The following AHCTF1 variants were observed in gnomAD, a reference collection of about 807,000 sequenced individuals.
AHCTF1 encodes the protein protein ELYS.
A neutral mutation model predicts 248.4 loss-of-function variants in AHCTF1; 24 were observed. That is an observed-to-expected ratio of 0.10 (90% CI 0.07 to 0.14). AHCTF1 has a LOEUF of 0.14. Ranked by LOEUF, AHCTF1 falls within the 10% of genes least tolerant of loss-of-function variation. The pLI is 1.00. For synonymous variants in AHCTF1, 786 were observed against 929.8 expected (o/e 0.85, Z 2.81); for missense variants, 2,206 against 2,636.2 (o/e 0.84, Z 3.57).
intron 17 of AHCTF1, among the ~76,000 whole-genome samples, chr1:246,888,730 C>A (rs1440708777): frequency 2.0e-5 from 3 of 151,706 alleles, no homozygotes; most frequent in African/African-American, 7.3e-5. Context: ...GGCAATACAG[C>A]AAGACCCCAG....
intron 1 of AHCTF1, among the ~76,000 whole-genome samples, chr1:246,929,967 G>A (rs568417707): frequency 2.0e-4 from 30 of 151,982 alleles, no homozygotes; most frequent in African/African-American, 6.5e-4. Context: ...CAGGAGAATC[G>A]CTTGAACCTG....
chr1:246,927,645 T>G (rs1018269098), intron 1 of AHCTF1, among the ~76,000 whole-genome samples: 5 of 152,264 alleles, frequency 3.3e-5, no homozygotes, highest in Non-Finnish European at 5.9e-5. Flanking sequence ...AGTAATTTAC[T>G]AAGTTTCAAT....
In AHCTF1 at chr1:246,840,853, T is replaced by A. The variant is rs1396238113; in HGVS notation, c.6754A>T (p.Lys2252Ter). 3 of 1,607,446 alleles carry A rather than the reference T, an allele frequency of 1.9e-6. No homozygotes were observed. In the Admixed American group the frequency reaches 5.2e-5, roughly 28 times the overall value. Reference protein sequence around the residue: ...TGTGLGRNRKKLSSYPKQILR... With the variant: ...TGTGLGRNRK Reference sequence around the variant, plus strand: ...ATTTGCTTTGGATAGGAAGACAGTTTCTTTCTGTTCCTTCCAAGACCTGTT... The same window carrying A: ...ATTTGCTTTGGATAGGAAGACAGTTACTTTCTGTTCCTTCCAAGACCTGTT... Residue 2252 changes from lysine (K) to a stop codon, truncating the protein, a stop_gained, in exon 36 of 36, where the codon AAA (lysine) becomes TAA (stop). Transcript: ENST00000648844. LOFTEE classifies it high-confidence loss of function.
chr1:246,910,850 T>C (rs1665750735), intron 4 of AHCTF1, among the ~76,000 whole-genome samples: 1 of 152,122 alleles, frequency 6.6e-6, no homozygotes, highest in Non-Finnish European at 1.5e-5. Flanking sequence ...TCAAAAGAAA[T>C]GGGTAAGCCC....
chr1:246,896,288 T>G (rs1043560554), intron 12 of AHCTF1, among the ~76,000 whole-genome samples: 5 of 152,204 alleles, frequency 3.3e-5, no homozygotes, highest in Admixed American at 2.6e-4. Context: ...GCACCATTAT[T>G]AATAGCCATA....
Position 246,850,086 on chromosome 1 carries a change from G to A in AHCTF1, c.5920C>T (p.Arg1974Cys), listed in dbSNP as rs760993765. ...GGATTGATTTTTCTTGGTCTACCAC[G>A]TTTTCTAGGTATGGCAGACATATCA... ...EFDMSAIPRK[R>C]GRPRKINPSE... is the part of the protein sequence containing the mutation. The change falls in exon 33 of 36, where the codon CGT becomes TGT. Residue 1974 changes from arginine to cysteine, a missense_variant. Arg to Cys is a radical substitution (Grantham distance 180). This residue lies in a region of AHCTF1 where 469 missense variants were observed against 470.0 expected (regional missense o/e 1.00). Transcript: ENST00000648844. 7.4e-6 allele frequency: 12 copies of A among 1,613,714 alleles called. No homozygotes were observed. In the East Asian group the frequency reaches 1.8e-4, roughly 24 times the overall value.
In AHCTF1 at chr1:246,842,780, T is replaced by A; in HGVS notation, c.6526-4A>T. 1.2e-6 allele frequency: 2 copies of A among 1,611,618 alleles called. No individual in the cohort carries two copies. The highest frequency in any genetic ancestry group is 1.7e-6 in the Non-Finnish European group (2 of 1,178,146). ...CTACTGATTGTGCATCATCTTTCTA[T>A]GGGTTAAACATTTTAAAAGGTTAAG... On this transcript the variant is annotated splice_polypyrimidine_tract_variant and splice_region_variant and intron_variant, in intron 34 of 35. Transcript: ENST00000648844.
intron 24 of AHCTF1, among the ~76,000 whole-genome samples, chr1:246,873,498 A>G (rs1662740232): frequency 6.6e-6 from 1 of 152,204 alleles, no homozygotes; most frequent in Non-Finnish European, 1.5e-5. Context: ...ACTAGAGACA[A>G]TACACTAGTC....
chr1:246,897,186 G>A (rs1158909611), intron 12 of AHCTF1, among the ~76,000 whole-genome samples: 2 of 152,180 alleles, frequency 1.3e-5, no homozygotes, highest in Admixed American at 6.5e-5. Context: ...GGTGGCACAC[G>A]CCTCTAGTTC....
At chr1:246,842,799 G>T (rs1175596693) in intron 34 of AHCTF1, 23 bp from the exon 35 acceptor site, 25 of 1,589,010 alleles carry the variant, frequency 1.6e-5, no homozygotes, top group Non-Finnish European at 2.2e-5. Flanking sequence ...CATTTTAAAA[G>T]GTTAAGTATT....
chr1:246,869,223 A>G (rs1424398790), intron 24 of AHCTF1, among the ~76,000 whole-genome samples: 1 of 152,010 alleles, frequency 6.6e-6, no homozygotes, highest in East Asian at 1.9e-4. Context: ...TTTTTCCAAC[A>G]GCGTGTACTT....
intron 29 of AHCTF1, among the ~76,000 whole-genome samples, chr1:246,860,002 C>A (rs576239928): frequency 6.6e-6 from 1 of 152,238 alleles, no homozygotes; most frequent in Admixed American, 6.5e-5. Context: ...TGGCTCACGC[C>A]TGTAATCCCA....
rs752108126 is a variant in AHCTF1 at position 246,864,115 on chromosome 1, G to A, written c.3349C>T (p.Leu1117=). ...ISKASQKISR[L]LDLVVQPVPR... Reference sequence around the variant, plus strand: ...ACAGGCTGAACAACCAAATCTAGCAGTCTGTAATCAGAATGCGCATTTATT... The same window carrying A: ...ACAGGCTGAACAACCAAATCTAGCAATCTGTAATCAGAATGCGCATTTATT... Residue 1117 remains leucine (L), a splice_region_variant and synonymous_variant, in exon 27 of 36, where the codon CTG becomes TTG. Coordinates refer to ENST00000648844, the MANE Select transcript of AHCTF1 (RefSeq NM_001323342.2). 6 of 1,612,000 alleles carry A rather than the reference G, an allele frequency of 3.7e-6. No homozygotes were observed. The highest frequency in any genetic ancestry group is 5.1e-6 in the Non-Finnish European group (6 of 1,179,284).
At chr1:246,878,396 C>CCAAAAAAAAA (rs1491155933) in intron 21 of AHCTF1, among the ~76,000 whole-genome samples, 1 of 30,776 alleles carries the variant, frequency 3.2e-5, no homozygotes, top group African/African-American at 1.2e-4. Context: ...GATTCTGTCT[C>CCAAAAAAAAA]AAAAAAAAAA....
intron 7 of AHCTF1, among the ~76,000 whole-genome samples, chr1:246,903,596 G>C (rs1420811551): frequency 2.6e-5 from 4 of 151,770 alleles, no homozygotes; most frequent in Non-Finnish European, 4.4e-5. Context: ...TTGGGAGTTC[G>C]AGGTGGGTGG....
Position 246,861,130 on chromosome 1 carries a change from G to C in AHCTF1, c.3901C>G (p.Leu1301Val). Reference sequence around the variant, plus strand: ...CTGCTGTTTCCTTTGCTCACATCCAGTTTCTCTAAACTTTGTGACCCCTCA... The same window carrying C: ...CTGCTGTTTCCTTTGCTCACATCCACTTTCTCTAAACTTTGTGACCCCTCA... ...MDEGSQSLEK[L>V]DVSKGNSSVS... The change falls in exon 29 of 36, where the codon CTG (leucine) becomes GTG (valine). Residue 1301 changes from leucine to valine, a missense_variant. This residue lies in a region of AHCTF1 where 955 missense variants were observed against 1,055.6 expected (regional missense o/e 0.90). Transcript: ENST00000648844. The C allele has an allele frequency of 6.2e-7, 1 of 1,613,916 alleles. No homozygotes were observed. Among genetic ancestry groups the C allele is most frequent in the Non-Finnish European group, 8.5e-7 (1 of 1,180,036 alleles).
At position 246,880,224 on chromosome 1, in the gene AHCTF1, T is replaced by TTA. The variant is rs142808731; in HGVS notation, c.2661-2924_2661-2923dup. Among the ~76,000 whole-genome samples, 131 of 150,482 alleles carry TTA rather than the reference T, an allele frequency of 8.7e-4. 1 individual carries two copies. Among genetic ancestry groups the TTA allele is most frequent in the African/African-American group, 2.6e-3 (107 of 41,130 alleles). On this transcript the variant is annotated intron_variant, in intron 21 of 35. Coordinates refer to ENST00000648844, the MANE Select transcript of AHCTF1 (RefSeq NM_001323342.2). ...ATTATCAAAAACAATATGTTATTTGTTATATATATATATAAAATATATAAT... is the reference window on the plus strand; with the variant it reads ...ATTATCAAAAACAATATGTTATTTGTTATATATATATATATAAAATATATAAT...
intron 28 of AHCTF1, 134 bp from the exon 29 acceptor site, chr1:246,861,429 T>C: frequency 1.1e-6 from 1 of 873,324 alleles, no homozygotes; most frequent in Non-Finnish European, 1.7e-6. Flanking sequence ...TAAAAATTCA[T>C]TTATTCTAAA....
At chr1:246,884,193 G>A (rs574289533) in intron 21 of AHCTF1, among the ~76,000 whole-genome samples, 6 of 152,052 alleles carry the variant, frequency 3.9e-5, no homozygotes, top group Admixed American at 6.6e-5. Flanking sequence ...CTACAATTTT[G>A]ATCTCATAAA....
Sources: gnomAD v4.1 joint callset for allele counts (sites outside exome capture counted in the v4.1 genomes callset) on GRCh38, gnomAD v4.1.1 for gene constraint, gnomAD v4.1.1 regional missense constraint, MANE v1.5 for transcripts, NCBI Gene and HGNC (gene_info 2026-07-23, HGNC 2026-07-21) for gene names.